The following FGD4 variants were observed in gnomAD, a reference collection of about 807,000 sequenced individuals.
FGD4 encodes FYVE, RhoGEF and PH domain containing 4, also known as FYVE, RhoGEF and PH domain-containing protein 4.
A neutral mutation model predicts 102.0 loss-of-function variants in FGD4; 42 were observed. That is an observed-to-expected ratio of 0.41 (90% CI 0.32 to 0.53). The LOEUF (loss-of-function observed/expected upper bound fraction) is 0.53. Ranked by LOEUF, FGD4 falls within the 20% of genes least tolerant of loss-of-function variation. The pLI is 0.21. For synonymous variants in FGD4, 380 were observed against 375.7 expected (o/e 1.01, Z -0.13); for missense variants, 902 against 1,078.2 (o/e 0.84, Z 2.29).
intron 1 of FGD4, among the ~76,000 whole-genome samples, chr12:32,563,071 G>C (rs892188299): frequency 6.7e-6 from 1 of 148,948 alleles, no homozygotes; most frequent in Non-Finnish European, 1.5e-5. Flanking sequence ...TCCCGGACGG[G>C]GCGGCTGGCC....
In FGD4 at chr12:32,640,764, T is replaced by G; in HGVS notation, c.*231T>G. ...GAAAACTGGAGCATTTTTTGAGCTA[T>G]TCCTTGAATATGTGCTTTTTTGTCT... On this transcript the variant is annotated 3_prime_UTR_variant, in exon 17 of 17. Transcript: ENST00000534526. 1 of 635,076 alleles carries G rather than the reference T, an allele frequency of 1.6e-6. No homozygotes were observed. Among genetic ancestry groups the G allele is most frequent in the South Asian group, 2.0e-5 (1 of 50,176 alleles). The allele number at this position is 635,076 out of a possible 1,614,324, so 39.3% of individuals were successfully genotyped here. A position where few individuals can be genotyped will look rare whatever the true frequency, so the allele number is the denominator to read the frequency against.
chr12:32,640,472 C>T lies in FGD4; in HGVS notation c.2651C>T (p.Pro884Leu). ...LAVTGETPGGPNEHPATLDDH... is the reference protein window; with the variant it reads ...LAVTGETPGGLNEHPATLDDH... ...GTCACAGGTGAGACACCAGGTGGTC[C>T]AAATGAGCATCCAGCCACCTTGGAT... is the stretch of plus-strand genomic sequence containing the variant. The change falls in exon 17 of 17, where the codon CCA (proline) becomes CTA (leucine). Residue 884 changes from proline (P) to leucine (L), a missense_variant. Physicochemically the swap from Pro to Leu is moderately conservative, Grantham distance 98. Coordinates refer to ENST00000534526, the MANE Select transcript of FGD4 (RefSeq NM_001370298.3). 6.2e-7 allele frequency: 1 copy of T among 1,614,038 alleles called. No homozygotes were observed. Among genetic ancestry groups the T allele is most frequent in the Non-Finnish European group, 8.5e-7 (1 of 1,180,016 alleles).
intron 3 of FGD4, among the ~76,000 whole-genome samples, chr12:32,578,240 AC>A (rs940358299): frequency 3.0e-4 from 46 of 152,310 alleles, no homozygotes; most frequent in African/African-American, 1.1e-3. Flanking sequence ...CACTGCCGAT[AC>A]AAAAAACAAT....
intron 1 of FGD4, among the ~76,000 whole-genome samples, chr12:32,504,958 C>A (rs1198775729): frequency 6.6e-6 from 1 of 152,196 alleles, no homozygotes; most frequent in Non-Finnish European, 1.5e-5. Context: ...TGGACACATT[C>A]ATTCTGCCTA....
At chr12:32,558,644 C>T (rs550481040) in intron 1 of FGD4, among the ~76,000 whole-genome samples, 1 of 152,278 alleles carries the variant, frequency 6.6e-6, no homozygotes, top group South Asian at 2.1e-4. Context: ...CAAAAGTCAC[C>T]CTAACCAATC....
chr12:32,512,274 C>A (rs1401677040), intron 1 of FGD4, among the ~76,000 whole-genome samples: 1 of 151,920 alleles, frequency 6.6e-6, no homozygotes, highest in African/African-American at 2.4e-5. Flanking sequence ...TAGTGAAACT[C>A]CCTCTCTACT....
At chr12:32,561,075 GTTTTTT>G (rs1218919677) in intron 1 of FGD4, among the ~76,000 whole-genome samples, 1 of 85,150 alleles carries the variant, frequency 1.2e-5, no homozygotes, top group Non-Finnish European at 2.2e-5. Context: ...GTTGGGTTTT[GTTTTTT>G]TTTTTTTTTT....
chr12:32,579,070 G>T (rs1946383699), intron 3 of FGD4, among the ~76,000 whole-genome samples: 1 of 72,442 alleles, frequency 1.4e-5, no homozygotes. Flanking sequence ...TTTTGAGACA[G>T]AGTTTTGCTC....
intron 6 of FGD4, 83 bp from the exon 7 acceptor site, chr12:32,602,078 G>A (rs923794271): frequency 7.9e-7 from 1 of 1,258,894 alleles, no homozygotes; most frequent in South Asian, 1.2e-5. Flanking sequence ...TAATGCCACT[G>A]CACTACAGTC....
intron 1 of FGD4, among the ~76,000 whole-genome samples, chr12:32,458,064 G>A (rs1358406539): frequency 2.6e-5 from 4 of 151,186 alleles, no homozygotes; most frequent in Non-Finnish European, 5.9e-5. Flanking sequence ...TGAATTCAAA[G>A]TGAAATAACA....
chr12:32,584,683 T>A (rs764965865), intron 4 of FGD4, among the ~76,000 whole-genome samples: 16 of 152,194 alleles, frequency 1.1e-4, no homozygotes, highest in Non-Finnish European at 2.4e-4. Flanking sequence ...ATTCCCTTGT[T>A]AGCATAGCAC....
chr12:32,416,221 A>C (rs537877650), intron 1 of FGD4, among the ~76,000 whole-genome samples: 41 of 152,270 alleles, frequency 2.7e-4, no homozygotes, highest in African/African-American at 8.7e-4. Context: ...GCTGGTCTTG[A>C]ACTCCCGTGC....
At chr12:32,564,617 G>A (rs1945030573) in intron 2 of FGD4, among the ~76,000 whole-genome samples, 1 of 152,168 alleles carries the variant, frequency 6.6e-6, no homozygotes, top group South Asian at 2.1e-4. Flanking sequence ...TGGAGCTACT[G>A]TTAGAAAGAA....
chr12:32,596,829 G>C (rs1324235984), intron 4 of FGD4, among the ~76,000 whole-genome samples: 2 of 151,828 alleles, frequency 1.3e-5, no homozygotes, highest in Non-Finnish European at 2.9e-5. Flanking sequence ...CAGCTACTCG[G>C]GAGACTGAGG....
intron 10 of FGD4, among the ~76,000 whole-genome samples, chr12:32,611,607 A>G (rs1024736516): frequency 2.6e-5 from 4 of 152,240 alleles, no homozygotes; most frequent in Admixed American, 6.5e-5. Flanking sequence ...AAGGAATTAT[A>G]TATAAAAATA....
rs182905886 is a variant in FGD4 at position 32,507,160 on chromosome 12, A to G, written c.167-56977A>G. Among the ~76,000 whole-genome samples, 276 of 140,238 alleles carry G rather than the reference A, an allele frequency of 2.0e-3. 1 individual carries two copies. Among genetic ancestry groups the G allele is most frequent in the Non-Finnish European group, 3.6e-3 (239 of 66,552 alleles). The allele number at this position is 140,238 out of a possible 152,430, so 92.0% of individuals were successfully genotyped here. On this transcript the variant is annotated intron_variant, in intron 1 of 16. Transcript: ENST00000534526. ...TGTTCTCATTGTTCAATTCCCATCTATGAGTGAGAACATGCGGTGTTTGGT... is the reference window on the plus strand; with the variant it reads ...TGTTCTCATTGTTCAATTCCCATCTGTGAGTGAGAACATGCGGTGTTTGGT...
chr12:32,400,615 C>T (rs979187413), intron 1 of FGD4, among the ~76,000 whole-genome samples: 4 of 152,200 alleles, frequency 2.6e-5, no homozygotes, highest in Admixed American at 6.5e-5. Flanking sequence ...CTATTCAAGG[C>T]CACGTAATCT....
chr12:32,473,754 G>A (rs534258685), intron 1 of FGD4, among the ~76,000 whole-genome samples: 74 of 152,216 alleles, frequency 4.9e-4, no homozygotes, highest in African/African-American at 1.7e-3. Context: ...GTAAGGCAGG[G>A]ACAGGAAAAT....
intron 1 of FGD4, among the ~76,000 whole-genome samples, chr12:32,419,460 C>T (rs1941546850): frequency 1.3e-5 from 2 of 152,090 alleles, no homozygotes; most frequent in South Asian, 4.1e-4. Context: ...TTAAAGTGCC[C>T]CAGTCACTGC....
Sources: gnomAD v4.1 joint callset for allele counts (sites outside exome capture counted in the v4.1 genomes callset) on GRCh38, gnomAD v4.1.1 for gene constraint, MANE v1.5 for transcripts, NCBI Gene and HGNC (gene_info 2026-07-23, HGNC 2026-07-21) for gene names.